Variants in NUP155 observed in about 807,000 individuals in gnomAD.
NUP155 encodes nuclear pore complex protein Nup155.
In NUP155, 71 loss-of-function variants were observed where a neutral mutation model predicts 180.4. That is an observed-to-expected ratio of 0.39 (90% CI 0.33 to 0.48). The LOEUF (loss-of-function observed/expected upper bound fraction) is 0.48, where lower values mean the gene tolerates loss of function less well. NUP155 is among the 20% of genes least tolerant of loss of function. The probability of loss-of-function intolerance (pLI) is 0.91; values close to 1 mark genes in which losing one functional copy is unlikely to be tolerated. For missense variants in NUP155, 1,553 were observed against 1,648.9 expected (o/e 0.94, Z 1.01); for synonymous variants, 582 against 559.5 (o/e 1.04, Z -0.57).
At position 37,327,795 on chromosome 5, in the gene NUP155, A is replaced by G; in HGVS notation, c.1877-19T>C. ...TGTATACCTTGTACACACATAAGAAAAACAAATCTCTTAATCTTAATCTTA... is the reference window on the plus strand; with the variant it reads ...TGTATACCTTGTACACACATAAGAAGAACAAATCTCTTAATCTTAATCTTA... On this transcript the variant is annotated intron_variant, in intron 17 of 34. Transcript: ENST00000231498. 1 of 1,613,286 alleles carries G rather than the reference A, an allele frequency of 6.2e-7. No individual in the cohort carries two copies. Among genetic ancestry groups the G allele is most frequent in the Non-Finnish European group, 8.5e-7 (1 of 1,179,258 alleles).
chr5:37,294,025 A>AAAAAAAAAAAAAAT (rs1742383136), intron 33 of NUP155, among the ~76,000 whole-genome samples: 2 of 76,054 alleles, frequency 2.6e-5, no homozygotes, highest in African/African-American at 3.8e-4. Context: ...AAAAAAAAAA[A>AAAAAAAAAAAAAAT]AAATAAAGCA....
At chr5:37,294,760 A>T (rs937996430) in intron 32 of NUP155, among the ~76,000 whole-genome samples, 2 of 152,126 alleles carry the variant, frequency 1.3e-5, no homozygotes, top group African/African-American at 4.8e-5. Context: ...AAGAAAAAAA[A>T]AGTTTTTTTT....
chr5:37,349,668 T>C (rs2111576078), intron 7 of NUP155, among the ~76,000 whole-genome samples: 1 of 152,316 alleles, frequency 6.6e-6, no homozygotes, highest in South Asian at 2.1e-4. Flanking sequence ...ACTTCCAGTT[T>C]GGCCTAATTG....
Position 37,337,865 on chromosome 5 carries a change from C to T in NUP155, c.1300G>A (p.Val434Ile). The change falls in exon 12 of 35, where the codon GTC becomes ATC. Residue 434 changes from valine to isoleucine, a missense_variant. Coordinates refer to ENST00000231498, the MANE Select transcript of NUP155 (RefSeq NM_153485.3). ...ENEDNDILWC[V>I]NHDTFPFQKP... ...TGGAAAGGAAAAGTATCATGGTTGA[C>T]ACACCATAAAATATCATTATCCTCA... 6.2e-7 allele frequency: 1 copy of T among 1,612,542 alleles called. No individual in the cohort carries two copies. The highest frequency in any genetic ancestry group is 8.5e-7 in the Non-Finnish European group (1 of 1,179,134).
chr5:37,298,973 T>C lies in NUP155; in HGVS notation c.3688A>G (p.Ser1230Gly). ...GAGGAGCTCAATGTCACACTGTCACTCAATTCTGTAACAAAAAGACATGTC... is the reference window on the plus strand; with the variant it reads ...GAGGAGCTCAATGTCACACTGTCACCCAATTCTGTAACAAAAAGACATGTC... ...LWQDIIEKEL[S>G]DSVTLSSSDR... Residue 1230 changes from serine to glycine, a missense_variant, in exon 32 of 35, where the codon AGT becomes GGT. By Grantham distance (56) the Ser-to-Gly change is moderately conservative. Coordinates refer to ENST00000231498, the MANE Select transcript of NUP155 (RefSeq NM_153485.3). 1 of 1,584,000 alleles carries C rather than the reference T, an allele frequency of 6.3e-7. No homozygotes were observed. Among genetic ancestry groups the C allele is most frequent in the Admixed American group, 1.7e-5 (1 of 59,978 alleles).
At chr5:37,342,314 T>C in intron 10 of NUP155, 1 of 434,316 alleles carries the variant, frequency 2.3e-6, no homozygotes, top group Non-Finnish European at 4.2e-6. Flanking sequence ...CCCAAAGCGC[T>C]AGGATTACAA....
Position 37,314,290 on chromosome 5 carries a change from G to GA in NUP155, c.2343dup (p.Gln782SerfsTer19). ...TGATATGATTTTCGAACCAACTGCT[G>GA]AATTGCCTGAAGTGAAATCTTTTCA... On this transcript the variant is annotated frameshift_variant, in exon 22 of 35. Coordinates refer to ENST00000231498, the MANE Select transcript of NUP155 (RefSeq NM_153485.3). LOFTEE classifies it high-confidence loss of function. 1 of 1,609,296 alleles carries GA rather than the reference G, an allele frequency of 6.2e-7. No individual in the cohort carries two copies. The highest frequency in any genetic ancestry group is 8.5e-7 in the Non-Finnish European group (1 of 1,175,952).
rs543586064 is a variant in NUP155 at position 37,304,102 on chromosome 5, T to A, written c.3162+637A>T. On this transcript the variant is annotated intron_variant, in intron 27 of 34. Transcript: ENST00000231498. ...GTCTCTACTAAAAAGATATAAAAAT[T>A]AGCTGTGCGTGGTGGCGGGTGCCTG... is the stretch of plus-strand genomic sequence containing the variant. Among the ~76,000 whole-genome samples the A allele has an allele frequency of 2.6e-5, 4 of 151,764 alleles. No individual in the cohort carries two copies. In the East Asian group the frequency reaches 7.8e-4, roughly 29 times the overall value.
At chr5:37,302,651 A>C in intron 29 of NUP155, 128 bp downstream of exon 29, 1 of 930,098 alleles carries the variant, frequency 1.1e-6, no homozygotes. Flanking sequence ...AATAAATATA[A>C]ACAGACAAAA....
chr5:37,364,090 A>T (rs1217925429), intron 2 of NUP155, 106 bp from the exon 3 acceptor site: 18 of 1,089,758 alleles, frequency 1.7e-5, no homozygotes, highest in Non-Finnish European at 2.2e-5. Context: ...CAATGTGTCC[A>T]CTCTTTAATA....
At chr5:37,349,495 A>G (rs1349177855) in intron 7 of NUP155, among the ~76,000 whole-genome samples, 1 of 152,162 alleles carries the variant, frequency 6.6e-6, no homozygotes, top group Non-Finnish European at 1.5e-5. Flanking sequence ...AAAGTAAGTT[A>G]TTTTGTCCTC....
In NUP155 at chr5:37,320,778, A is replaced by C. The variant is rs369940878; in HGVS notation, c.2208-2693T>G. Among the ~76,000 whole-genome samples, 6 of 152,338 alleles carry C rather than the reference A, an allele frequency of 3.9e-5. No individual in the cohort carries two copies. The East Asian group carries it at 7.7e-4, about 20-fold the overall frequency. On this transcript the variant is annotated intron_variant, in intron 20 of 34. Transcript: ENST00000231498. ...TAGAAAAAAAACCAAACAAACTAAAAACATCTGACAAGTAAAATTCCAGAT... is the reference window on the plus strand; with the variant it reads ...TAGAAAAAAAACCAAACAAACTAAACACATCTGACAAGTAAAATTCCAGAT...
intron 32 of NUP155, among the ~76,000 whole-genome samples, chr5:37,294,677 T>G (rs142308963): frequency 6.6e-6 from 1 of 152,156 alleles, no homozygotes; most frequent in Non-Finnish European, 1.5e-5. Flanking sequence ...CTTGAAATCC[T>G]GAGCTCAATC....
In NUP155 at chr5:37,359,378, TCTACTG is replaced by T. The variant is rs1747053554; in HGVS notation, c.393-1233_393-1228del. The stretch of plus-strand genomic sequence containing the variant: ...AGGGCTGCACATCAAGTAATAGCAA[TCTACTG>T]CTGGGGCAGGGATAAGGGTAAGAAG... On this transcript the variant is annotated intron_variant, in intron 3 of 34. Transcript: ENST00000231498. Among the ~76,000 whole-genome samples the T allele has an allele frequency of 2.6e-5, 4 of 151,888 alleles. No homozygotes were observed. The South Asian group carries it at 8.3e-4, about 32-fold the overall frequency.
At chr5:37,364,919 A>T (rs1747457849) in intron 1 of NUP155, among the ~76,000 whole-genome samples, 2 of 151,590 alleles carry the variant, frequency 1.3e-5, no homozygotes, top group South Asian at 4.2e-4. Flanking sequence ...TACAGGTGTG[A>T]GCCACCGTGC....
chr5:37,340,421 G>C (rs1446520221), intron 11 of NUP155, among the ~76,000 whole-genome samples: 4 of 151,556 alleles, frequency 2.6e-5, no homozygotes, highest in African/African-American at 9.7e-5. Context: ...CTCCAGCCTC[G>C]GCAACAGAGC....
chr5:37,292,920 T>C lies in NUP155; in HGVS notation c.3996A>G (p.Ile1332Met). 1 of 1,612,444 alleles carries C rather than the reference T, an allele frequency of 6.2e-7. No homozygotes were observed. The highest frequency in any genetic ancestry group is 8.5e-7 in the Non-Finnish European group (1 of 1,178,816). The change falls in exon 34 of 35, where the codon ATA becomes ATG. Residue 1332 changes from isoleucine to methionine, a missense_variant. Ile to Met is a conservative substitution (Grantham distance 10). Coordinates refer to ENST00000231498, the MANE Select transcript of NUP155 (RefSeq NM_153485.3). ...CTTGGCTGGGATTCTCAACATATCT[T>C]ATCAATAATACATGTATACAATCCA... ...HLLDCIHVLL[I>M]RYVENPSQVL...
chr5:37,307,952 AAT>A (rs397997402), intron 24 of NUP155, among the ~76,000 whole-genome samples: 3,549 of 87,586 alleles, frequency 0.041, 101 homozygotes, highest in African/African-American at 0.11. Flanking sequence ...GAAAAAAAAA[AAT>A]ATATATATAT....
intron 21 of NUP155, among the ~76,000 whole-genome samples, chr5:37,316,946 AG>A (rs1043566669): frequency 7.0e-6 from 1 of 142,560 alleles, no homozygotes; most frequent in African/African-American, 2.6e-5. Flanking sequence ...GCGGATCATG[AG>A]GTCAGGAGAT....
Sources: gnomAD v4.1 joint callset for allele counts (sites outside exome capture counted in the v4.1 genomes callset) on GRCh38, gnomAD v4.1.1 for gene constraint, MANE v1.5 for transcripts, NCBI Gene and HGNC (gene_info 2026-07-23, HGNC 2026-07-21) for gene names.